The following TNXB variants were observed in gnomAD, a reference collection of about 807,000 sequenced individuals.
The protein encoded by TNXB is tenascin-X.
TNXB carries 183 observed loss-of-function variants against 340.5 expected under a neutral mutation model. That is an observed-to-expected ratio of 0.54 (90% confidence interval 0.48 to 0.61). The LOEUF (loss-of-function observed/expected upper bound fraction) is 0.61, where lower values mean the gene tolerates loss of function less well. Among genes scored for constraint, TNXB ranks in the 20% least tolerant of loss-of-function variants. The probability of loss-of-function intolerance (pLI) is 0.00; values close to 1 mark genes in which losing one functional copy is unlikely to be tolerated. For synonymous variants in TNXB, 2,121 were observed against 2,314.5 expected, an observed-to-expected ratio of 0.92 and a Z score of 2.40; for missense variants, 4,613 against 5,446.4, an observed-to-expected ratio of 0.85 and a Z score of 4.82.
chr6:32,093,309 T>C, intron 4 of TNXB: 1 of 681,776 alleles, frequency 1.5e-6, no homozygotes, highest in South Asian at 1.5e-5. Flanking sequence ...TCTTGTCTCG[T>C]GATTAAAGTA....
chr6:32,049,057 G>A lies in TNXB; in HGVS notation c.9757+213C>T, dbSNP rs1777085332. Among the ~76,000 whole-genome samples the A allele has an allele frequency of 6.6e-6, 1 of 152,192 alleles. No homozygotes were observed. Among genetic ancestry groups the A allele is most frequent in the Non-Finnish European group, 1.5e-5 (1 of 68,026 alleles). On this transcript the variant is annotated intron_variant, in intron 28 of 43. Coordinates refer to ENST00000644971, the MANE Select transcript of TNXB (RefSeq NM_001365276.2). The surrounding 1 kb of genome is among the most constrained non-coding windows in gnomAD (Gnocchi z 4.5). ...ACATGGAGGTTCCAGATCACAATGG[G>A]AGAAGGAAGCTACAACAAACAGGGC...
intron 1 of TNXB, among the ~76,000 whole-genome samples, chr6:32,104,071 G>A (rs908162123): frequency 6.6e-6 from 1 of 151,990 alleles, no homozygotes; most frequent in African/African-American, 2.4e-5. Flanking sequence ...TGACCAATAT[G>A]GTAGCCAGGA....
At chr6:32,048,053 C>G (rs754855239) in intron 29 of TNXB, 41 bp from the exon 30 acceptor site, 1 of 1,580,006 alleles carries the variant, frequency 6.3e-7, no homozygotes. Context: ...GGGATGGAGG[C>G]AAAGGGGCCA....
intron 11 of TNXB, among the ~76,000 whole-genome samples, chr6:32,078,165 G>A (rs1403838916): frequency 6.6e-6 from 1 of 151,940 alleles, no homozygotes; most frequent in African/African-American, 2.4e-5. Context: ...AAAGCTTTGT[G>A]GTCAGGCGTG....
At position 32,052,977 on chromosome 6, in the gene TNXB, A is replaced by G. The variant is rs2151896757; in HGVS notation, c.8808T>C (p.Thr2936=). ...VIGVTAAEEE[T]PAPTEPSTEA... ...CCGTGCTGGGTTCTGTGGGGGCGGG[A>G]GTTTCTTCCTCTGCAGCTGAGAAGA... The change falls in exon 26 of 44, where the codon ACT becomes ACC. Residue 2936 remains threonine, a synonymous_variant. Coordinates refer to ENST00000644971, the MANE Select transcript of TNXB (RefSeq NM_001365276.2). This position sits in a 1 kb window ranked among gnomAD's most constrained non-coding sequence, Gnocchi z 4.7. The G allele has an allele frequency of 6.2e-7, 1 of 1,610,466 alleles. No individual in the cohort carries two copies. Among genetic ancestry groups the G allele is most frequent in the Non-Finnish European group, 8.5e-7 (1 of 1,178,804 alleles).
In TNXB at chr6:32,084,447, C is replaced by A; in HGVS notation, c.3411G>T (p.Lys1137Asn). Residue 1137 changes from lysine to asparagine, a missense_variant, in exon 8 of 44, where the codon AAG becomes AAT. Transcript: ENST00000644971. The surrounding 1 kb of genome is among the most constrained non-coding windows in gnomAD (Gnocchi z 5.5). Reference sequence around the variant, plus strand: ...CTTCAGCCACCAGCGGACCATGCCTCTTCTTGCCAACAAACCCATACAGGA... The same window carrying A: ...CTTCAGCCACCAGCGGACCATGCCTATTCTTGCCAACAAACCCATACAGGA... ...KFVLYGFVGK[K>N]RHGPLVAEAK... is the part of the protein sequence containing the mutation. 1 of 1,597,748 alleles carries A rather than the reference C, an allele frequency of 6.3e-7. No homozygotes were observed. Among genetic ancestry groups the A allele is most frequent in the Non-Finnish European group, 8.5e-7 (1 of 1,170,612 alleles).
At chr6:32,093,195 T>C (rs1174070908) in intron 4 of TNXB, 1 of 573,990 alleles carries the variant, frequency 1.7e-6, no homozygotes, top group Non-Finnish European at 3.1e-6. Flanking sequence ...GTAAATAATA[T>C]ATACAGAGAA....
In TNXB at chr6:32,095,146, G is replaced by A. The variant is rs1047449983; in HGVS notation, c.2288C>T (p.Thr763Ile). ...CGGGGTCCACTCTGTCCGAACTGTTGTCTCCTCCAAGAGATGCATCCTCAT... is the reference window on the plus strand; with the variant it reads ...CGGGGTCCACTCTGTCCGAACTGTTATCTCCTCCAAGAGATGCATCCTCAT... The part of the protein sequence containing the change: ...EGMRMHLLEE[T>I]TVRTEWTPAP... Residue 763 changes from threonine to isoleucine, a missense_variant, in exon 4 of 44, where the codon ACA becomes ATA. By Grantham distance (89) the Thr-to-Ile change is moderately conservative. Transcript: ENST00000644971. 3 of 1,550,012 alleles carry A rather than the reference G, an allele frequency of 1.9e-6. No homozygotes were observed. Among genetic ancestry groups the A allele is most frequent in the Non-Finnish European group, 2.6e-6 (3 of 1,146,384 alleles).
In TNXB at chr6:32,068,640, C is replaced by G; in HGVS notation, c.5970G>C (p.Leu1990=). ...ATPEPPIKPR[L]GELTVTDATP... ...TGGCATCTGTCACGGTCAGCTCCCC[C>G]AGGCGAGGCTTGATGGGGGGCTCGG... is the stretch of plus-strand genomic sequence containing the variant. The change falls in exon 17 of 44, where the codon CTG becomes CTC. Residue 1990 remains leucine (L), a synonymous_variant. Coordinates refer to ENST00000644971, the MANE Select transcript of TNXB (RefSeq NM_001365276.2). The surrounding 1 kb of genome is among the most constrained non-coding windows in gnomAD (Gnocchi z 5.3). 7 of 1,613,886 alleles carry G rather than the reference C, an allele frequency of 4.3e-6. No homozygotes were observed. Among genetic ancestry groups the G allele is most frequent in the Non-Finnish European group, 5.9e-6 (7 of 1,179,874 alleles).
chr6:32,081,888 G>A lies in TNXB; in HGVS notation c.3736+148C>T. 1.3e-6 allele frequency: 1 copy of A among 799,750 alleles called. No homozygotes were observed. The highest frequency in any genetic ancestry group is 2.0e-6 in the Non-Finnish European group (1 of 507,048). The allele number at this position is 799,750 out of a possible 1,614,324, so 49.5% of individuals were successfully genotyped here. ...GATGGAAGGGGCCCAGCAGTGCGGG[G>A]GAGTCTGGCTGCCCCTCAGCCCTGG... On this transcript the variant is annotated intron_variant, in intron 9 of 43. Transcript: ENST00000644971. The surrounding 1 kb of genome is among the most constrained non-coding windows in gnomAD (Gnocchi z 5.1).
At position 32,062,527 on chromosome 6, in the gene TNXB, C is replaced by T. The variant is rs1369220149; in HGVS notation, c.6842-44G>A. ...TGGGTGGGCATGCCTGGTGGGCCTC[C>T]TTTTAACCAAGGGACTCTGGGATTC... On this transcript the variant is annotated intron_variant, in intron 19 of 43. Coordinates refer to ENST00000644971, the MANE Select transcript of TNXB (RefSeq NM_001365276.2). This position sits in a 1 kb window ranked among gnomAD's most constrained non-coding sequence, Gnocchi z 4.3. 6.6e-7 allele frequency: 1 copy of T among 1,520,930 alleles called. No homozygotes were observed. The highest frequency in any genetic ancestry group is 2.0e-5 in the Admixed American group (1 of 49,684). The allele number at this position is 1,520,930 out of a possible 1,614,324, so 94.2% of individuals were successfully genotyped here. A position where few individuals can be genotyped will look rare whatever the true frequency, so the allele number is the denominator to read the frequency against.
intron 1 of TNXB, among the ~76,000 whole-genome samples, chr6:32,100,107 CTTT>C (rs28892603): frequency 7.1e-6 from 1 of 141,326 alleles, no homozygotes; most frequent in Admixed American, 7.1e-5. Context: ...AGCAAGATTT[CTTT>C]TTTTTTTTTT....
chr6:32,073,561 G>A lies in TNXB; in HGVS notation c.4681+86C>T. The A allele has an allele frequency of 7.8e-7, 1 of 1,275,094 alleles. No individual in the cohort carries two copies. The highest frequency in any genetic ancestry group is 2.5e-5 in the East Asian group (1 of 40,562). The allele number at this position is 1,275,094 out of a possible 1,614,324, so 79.0% of individuals were successfully genotyped here. A position where few individuals can be genotyped will look rare whatever the true frequency, so the allele number is the denominator to read the frequency against. On this transcript the variant is annotated intron_variant, in intron 12 of 43. Transcript: ENST00000644971. The surrounding 1 kb of genome is among the most constrained non-coding windows in gnomAD (Gnocchi z 4.6). ...CTAGCCCCTCAGTGAGGGTGCGGTG[G>A]TACCAAGGCAGGGCTGGAAGAAGGG...
Position 32,046,540 on chromosome 6 carries a change from G to C in TNXB, c.10325-84C>G. The C allele has an allele frequency of 7.8e-7, 1 of 1,285,470 alleles. No individual in the cohort carries two copies. Among genetic ancestry groups the C allele is most frequent in the East Asian group, 2.5e-5 (1 of 39,642 alleles). 79.6% of individuals were successfully genotyped at this position (1,285,470 alleles called of 1,614,324 possible). ...CAGCCTCCCGGAGGTGTGAGGTTCT[G>C]GGAAATGGTCCCTCCAGTGTAGCCC... On this transcript the variant is annotated intron_variant, in intron 30 of 43. Coordinates refer to ENST00000644971, the MANE Select transcript of TNXB (RefSeq NM_001365276.2). This position sits in a 1 kb window ranked among gnomAD's most constrained non-coding sequence, Gnocchi z 6.9.
At position 32,085,790 on chromosome 6, in the gene TNXB, C is replaced by A. The variant is rs769745035; in HGVS notation, c.3108G>T (p.Gly1036=). 1.3e-6 allele frequency: 2 copies of A among 1,581,806 alleles called. No individual in the cohort carries two copies. Among genetic ancestry groups the A allele is most frequent in the Non-Finnish European group, 1.7e-6 (2 of 1,163,678 alleles). Reference sequence around the variant, plus strand: ...AGATGATGGGGTCAGAGGGCTTGCCCCCAGGAGGGACCCCATGAAGTGACA... The same window carrying A: ...AGATGATGGGGTCAGAGGGCTTGCCACCAGGAGGGACCCCATGAAGTGACA... The part of the protein sequence containing the change: ...YELSLHGVPP[G]GKPSDPIIYQ... The change falls in exon 7 of 44, where the codon GGG becomes GGT. Residue 1036 remains glycine, a synonymous_variant. Transcript: ENST00000644971. This position sits in a 1 kb window ranked among gnomAD's most constrained non-coding sequence, Gnocchi z 6.4.
rs61746872 is a variant in TNXB at position 32,049,415 on chromosome 6, G to A, written c.9612C>T (p.Asp3204=). ...TGACACGCACCACCTGGGGCTGCCC[G>A]TCCCTGTCCTTGTACTGCACGGTGA... is the stretch of plus-strand genomic sequence containing the variant. ...DSFTVQYKDR[D]GQPQVVRVRG... is the part of the protein sequence containing the mutation. Residue 3204 remains aspartate (D), a synonymous_variant, in exon 28 of 44, where the codon GAC becomes GAT. Transcript: ENST00000644971. The surrounding 1 kb of genome is among the most constrained non-coding windows in gnomAD (Gnocchi z 4.5). The A allele has an allele frequency of 1.9e-3, 3,107 of 1,612,546 alleles. 20 individuals are homozygous for A. Among genetic ancestry groups the A allele is most frequent in the South Asian group, 6.6e-3 (604 of 91,014 alleles).
Position 32,065,038 on chromosome 6 carries a change from G to A in TNXB, c.6624C>T (p.Asp2208=). 6.2e-7 allele frequency: 1 copy of A among 1,607,336 alleles called. No homozygotes were observed. ...GQMTVRDITS[D]SLSLSWTVPE... Reference sequence around the variant, plus strand: ...GGACTGTCCAGGAGAGGCTGAGGGAGTCGGAGGTGATGTCTCTCACTGTCA... The same window carrying A: ...GGACTGTCCAGGAGAGGCTGAGGGAATCGGAGGTGATGTCTCTCACTGTCA... Residue 2208 remains aspartate, a synonymous_variant, in exon 19 of 44, where the codon GAC becomes GAT. Coordinates refer to ENST00000644971, the MANE Select transcript of TNXB (RefSeq NM_001365276.2).
chr6:32,096,480 C>A lies in TNXB; in HGVS notation c.1373G>T (p.Gly458Val). The change falls in exon 3 of 44, where the codon GGC becomes GTC. Residue 458 changes from glycine (G) to valine (V), a missense_variant. Around this residue, in one of 7 missense-constraint regions of TNXB, gnomAD observed 4,327 missense variants for 4,859.4 expected, o/e 0.89. Transcript: ENST00000644971. The stretch of plus-strand genomic sequence containing the variant: ...ACAGCTGCGCACACCGCAGTCCTCG[C>A]CGCTGTAGCCCGCATTGCAAACACA... ...GVCVCNAGYSGEDCGVRSCPG... is the reference protein window; with the variant it reads ...GVCVCNAGYSVEDCGVRSCPG... The A allele has an allele frequency of 6.2e-7, 1 of 1,600,398 alleles. No individual in the cohort carries two copies. The highest frequency in any genetic ancestry group is 8.5e-7 in the Non-Finnish European group (1 of 1,179,234).
intron 4 of TNXB, among the ~76,000 whole-genome samples, 190 bp downstream of exon 4, chr6:32,094,886 A>G (rs1780243264): frequency 6.6e-6 from 1 of 152,192 alleles, no homozygotes; most frequent in African/African-American, 2.4e-5. Flanking sequence ...TGTGGGACCA[A>G]TGCTTGCTGG....
Sources: gnomAD v4.1 joint callset for allele counts (sites outside exome capture counted in the v4.1 genomes callset) on GRCh38, gnomAD v4.1.1 for gene constraint, gnomAD v4.1.1 regional missense constraint, Gnocchi (gnomAD v3.1) non-coding constraint, MANE v1.5 for transcripts, NCBI Gene and HGNC (gene_info 2026-07-23, HGNC 2026-07-21) for gene names.